Variants in ENPP1 observed in about 807,000 individuals in gnomAD.
ENPP1 encodes the protein ectonucleotide pyrophosphatase/phosphodiesterase 1.
In ENPP1, 73 loss-of-function variants were observed where a neutral mutation model predicts 122.8. That is an observed-to-expected ratio of 0.59 (90% confidence interval 0.49 to 0.72). The LOEUF (loss-of-function observed/expected upper bound fraction) is 0.72. Among genes scored for constraint, ENPP1 ranks in the 30% least tolerant of loss-of-function variants. The pLI, the probability that ENPP1 is intolerant of heterozygous loss-of-function variation, is 0.00. For synonymous variants in ENPP1, 367 were observed against 391.6 expected (o/e 0.94, Z 0.74); for missense variants, 978 against 1,128.1 (o/e 0.87, Z 1.91).
chr6:131,862,901 T>C (rs1398340528), intron 9 of ENPP1, among the ~76,000 whole-genome samples: 1 of 152,048 alleles, frequency 6.6e-6, no homozygotes, highest in African/African-American at 2.4e-5. Context: ...GTTGTTTTTT[T>C]TTCTGTGTGT....
Position 131,852,172 on chromosome 6 carries a change from T to C in ENPP1, c.557-3T>C, listed in dbSNP as rs1432919032. 2.5e-6 allele frequency: 4 copies of C among 1,585,992 alleles called. No homozygotes were observed. The highest frequency in any genetic ancestry group is 1.1e-5 in the South Asian group (1 of 90,498). On this transcript the variant is annotated splice_region_variant and splice_polypyrimidine_tract_variant and intron_variant, in intron 4 of 24. Transcript: ENST00000647893. ...TCATTTTATTTTCTTGAAAATATTT[T>C]AGGTGAGAAAAGTTGGGTAGAAGAA...
At position 131,886,698 on chromosome 6, in the gene ENPP1, A is replaced by G; in HGVS notation, c.2581A>G (p.Arg861Gly). 3 of 1,613,946 alleles carry G rather than the reference A, an allele frequency of 1.9e-6. No homozygotes were observed. Among genetic ancestry groups the G allele is most frequent in the Non-Finnish European group, 2.5e-6 (3 of 1,179,962 alleles). ...LDTLAFILPH[R>G]TDNSESCVHG... ...CACCTTAGCTTTCATTTTGCCTCAC[A>G]GGACTGATAACAGCGAGAGCTGTGT... Residue 861 changes from arginine (R) to glycine (G), a missense_variant, in exon 24 of 25, where the codon AGG (arginine) becomes GGG (glycine). By Grantham distance (125) the Arg-to-Gly change is moderately radical. Around this residue, in one of 3 missense-constraint regions of ENPP1, gnomAD observed 644 missense variants for 781.5 expected, o/e 0.82. Transcript: ENST00000647893.
At chr6:131,850,256 T>G in intron 3 of ENPP1, 150 bp downstream of exon 3, 1 of 671,292 alleles carries the variant, frequency 1.5e-6, no homozygotes. Context: ...CTTTTATATT[T>G]TCTTTCAACA....
At chr6:131,846,449 C>T (rs1238629175) in intron 1 of ENPP1, among the ~76,000 whole-genome samples, 2 of 152,246 alleles carry the variant, frequency 1.3e-5, no homozygotes, top group Non-Finnish European at 2.9e-5. Flanking sequence ...CCTCTCTTTC[C>T]TTCCTCCAGT....
At chr6:131,824,469 G>GTTGTTGTTGTT (rs57062044) in intron 1 of ENPP1, among the ~76,000 whole-genome samples, 21 of 151,336 alleles carry the variant, frequency 1.4e-4, no homozygotes, top group South Asian at 2.1e-4. Context: ...TGTTGTTGTT[G>GTTGTTGTTGTT]TTTGAGACGG....
In ENPP1 at chr6:131,869,724, C is replaced by T. The variant is rs144202023; in HGVS notation, c.1405+235C>T. Among the ~76,000 whole-genome samples the T allele has an allele frequency of 0.07, 10,614 of 151,792 alleles. 569 individuals are homozygous for T. The highest frequency in any genetic ancestry group is 0.14 in the African/African-American group (5,756 of 41,350). ...TACAAAAATTAGCCTGGCTTGGTGGCAGCTGCCTGTAATCCCAGCTGCTCT... is the reference window on the plus strand; with the variant it reads ...TACAAAAATTAGCCTGGCTTGGTGGTAGCTGCCTGTAATCCCAGCTGCTCT... On this transcript the variant is annotated intron_variant, in intron 13 of 24. Transcript: ENST00000647893.
rs1290009691 is a variant in ENPP1, at chr6:131,893,041, TTCTG to T, written c.*2534_*2537del. ...TGGGCCCCAATGTTCCTAGCCTATT[TTCTG>T]TCTACTATTCAGAGTCTTGCTGTGT... is the stretch of plus-strand genomic sequence containing the variant. On this transcript the variant is annotated 3_prime_UTR_variant, in exon 25 of 25. Transcript: ENST00000647893. 1 of 152,218 alleles carries T rather than the reference TTCTG, an allele frequency of 6.6e-6. No homozygotes were observed. The highest frequency in any genetic ancestry group is 1.5e-5 in the Non-Finnish European group (1 of 68,042). The allele number at this position is 152,218 out of a possible 1,614,324, so 9.4% of individuals were successfully genotyped here.
rs750091125 is a variant in ENPP1, at chr6:131,815,871, ATT to A, written c.240+7616_240+7617del. Among the ~76,000 whole-genome samples, 398 of 115,796 alleles carry A rather than the reference ATT, an allele frequency of 3.4e-3. 2 individuals are homozygous for A. Among genetic ancestry groups the A allele is most frequent in the Middle Eastern group, 9.2e-3 (2 of 218 alleles). 76.0% of individuals were successfully genotyped at this position (115,796 alleles called of 152,430 possible). A position where few individuals can be genotyped will look rare whatever the true frequency, so the allele number is the denominator to read the frequency against. On this transcript the variant is annotated intron_variant, in intron 1 of 24. Coordinates refer to ENST00000647893, the MANE Select transcript of ENPP1 (RefSeq NM_006208.3). ...AGGCGCACACCACCACACCTGGCTAATTTTTTTTTTTTTTTTTTTTTGTATTT... is the reference window on the plus strand; with the variant it reads ...AGGCGCACACCACCACACCTGGCTAATTTTTTTTTTTTTTTTTTTGTATTT...
intron 1 of ENPP1, among the ~76,000 whole-genome samples, chr6:131,845,453 T>TG (rs559407813): frequency 9.7e-6 from 1 of 102,916 alleles, no homozygotes; most frequent in Non-Finnish European, 1.8e-5. Context: ...TTTGGCTTGT[T>TG]TTTTTTTTTT....
At chr6:131,878,504 C>G in intron 18 of ENPP1, 38 bp from the exon 19 acceptor site, 2 of 1,313,358 alleles carry the variant, frequency 1.5e-6, no homozygotes, top group Non-Finnish European at 2.2e-6. Context: ...TAAAACATGT[C>G]TCTCAGTCCT....
At chr6:131,844,438 C>A (rs1781779949) in intron 1 of ENPP1, among the ~76,000 whole-genome samples, 1 of 152,200 alleles carries the variant, frequency 6.6e-6, no homozygotes, top group South Asian at 2.1e-4. Context: ...CAAAATCTGC[C>A]AGTGATTAGC....
chr6:131,837,520 CAAA>C (rs34431136), intron 1 of ENPP1, among the ~76,000 whole-genome samples: 5,560 of 81,764 alleles, frequency 0.068, 142 homozygotes, highest in African/African-American at 0.11. Context: ...GACTCTGTCT[CAAA>C]AAAAAAAAAA....
intron 1 of ENPP1, among the ~76,000 whole-genome samples, chr6:131,843,881 G>A (rs1781772213): frequency 6.6e-6 from 1 of 152,000 alleles, no homozygotes; most frequent in Non-Finnish European, 1.5e-5. Flanking sequence ...CCACCCAGAT[G>A]CTTCTTACTT....
At chr6:131,810,225 G>T (rs1781331584) in intron 1 of ENPP1, among the ~76,000 whole-genome samples, 1 of 152,116 alleles carries the variant, frequency 6.6e-6, no homozygotes, top group Non-Finnish European at 1.5e-5. Flanking sequence ...GGGTATGGTA[G>T]CATGCGTCTA....
Position 131,894,425 on chromosome 6 carries a change from A to T in ENPP1, c.*3914A>T, listed in dbSNP as rs541898649. The T allele has an allele frequency of 3.3e-4, 51 of 152,344 alleles. No homozygotes were observed. Among genetic ancestry groups the T allele is most frequent in the African/African-American group, 1.2e-3 (49 of 41,422 alleles). The allele number at this position is 152,344 out of a possible 1,614,324, so 9.4% of individuals were successfully genotyped here. A position where few individuals can be genotyped will look rare whatever the true frequency, so the allele number is the denominator to read the frequency against. On this transcript the variant is annotated 3_prime_UTR_variant, in exon 25 of 25. Transcript: ENST00000647893. ...CTCAGCCTCCTGAGTAGCTGGGATT[A>T]TAGGCGCATGCCACACCTGGCTTTT...
chr6:131,873,835 A>G (rs1311742799), intron 15 of ENPP1, among the ~76,000 whole-genome samples: 1 of 152,008 alleles, frequency 6.6e-6, no homozygotes, highest in African/African-American at 2.4e-5. Context: ...ATATATATGA[A>G]AGGAGAAATG....
chr6:131,882,302 CTG>C (rs767575015), intron 20 of ENPP1, 41 bp from the exon 21 acceptor site: 2 of 1,562,414 alleles, frequency 1.3e-6, no homozygotes, highest in Non-Finnish European at 1.7e-6. Flanking sequence ...ATTTTCTTCT[CTG>C]TGCCTGATAT....
At chr6:131,843,265 T>G (rs1781763704) in intron 1 of ENPP1, among the ~76,000 whole-genome samples, 1 of 152,222 alleles carries the variant, frequency 6.6e-6, no homozygotes, top group Non-Finnish European at 1.5e-5. Flanking sequence ...ATTTCATCTT[T>G]TATGGATGTG....
intron 3 of ENPP1, among the ~76,000 whole-genome samples, chr6:131,850,620 G>GAGCC (rs1781869108): frequency 6.6e-6 from 1 of 152,194 alleles, no homozygotes; most frequent in Non-Finnish European, 1.5e-5. Flanking sequence ...CCAGGCTGGA[G>GAGCC]AGCCGTTGCT....
Sources: allele counts gnomAD v4.1 joint callset (sites outside exome capture counted in the v4.1 genomes callset), GRCh38; gene constraint gnomAD v4.1.1; regional missense constraint gnomAD v4.1.1; transcripts MANE v1.5; gene names NCBI Gene and HGNC (gene_info 2026-07-23, HGNC 2026-07-21).